The following C7 variants were observed in gnomAD, a reference collection of about 807,000 sequenced individuals.
C7 encodes the protein complement component C7.
C7 carries 83 observed loss-of-function variants against 104.8 expected under a neutral mutation model. The observed-to-expected ratio is 0.79, with a 90% confidence interval of 0.66 to 0.95. C7 has a LOEUF of 0.95. C7 is among the 40% of genes least tolerant of loss of function. The pLI is 0.00. For missense variants in C7, 1,070 were observed against 1,011.2 expected, an observed-to-expected ratio of 1.06 and a Z score of -0.79; for synonymous variants, 415 against 360.6, an observed-to-expected ratio of 1.15 and a Z score of -1.71.
intron 16 of C7, among the ~76,000 whole-genome samples, chr5:40,977,663 C>T (rs536772293): frequency 1.4e-4 from 22 of 152,276 alleles, no homozygotes; most frequent in African/African-American, 5.3e-4. Context: ...TGCCTCGAGT[C>T]TCCTGCTAGT....
chr5:40,981,460 G>A lies in C7; in HGVS notation c.2419G>A (p.Glu807Lys). 6.2e-7 allele frequency: 1 copy of A among 1,613,768 alleles called. No homozygotes were observed. The highest frequency in any genetic ancestry group is 8.5e-7 in the Non-Finnish European group (1 of 1,179,790). Residue 807 changes from glutamate to lysine, a missense_variant, in exon 18 of 18, where the codon GAA (glutamate) becomes AAA (lysine). By Grantham distance (56) the Glu-to-Lys change is moderately conservative. Transcript: ENST00000313164. ...GGAAGAAGGGTTTAGCATTTGTGTG[G>A]AAGTGAACGGCAAGGAGCAGACGAT... ...CEEEGFSICV[E>K]VNGKEQTMSE... is the part of the protein sequence containing the mutation.
In C7 at chr5:40,931,069, C is replaced by T. The variant is rs1330433248; in HGVS notation, c.68C>T (p.Ser23Phe). Reference sequence around the variant, plus strand: ...ACAATTTGACACTGTGGCAGTGCCTCCTCTCCAGTCAACTGCCAGTGGGAC... The same window carrying T: ...ACAATTTGACACTGTGGCAGTGCCTTCTCTCCAGTCAACTGCCAGTGGGAC... ...IGEFQSFSSASSPVNCQWDFY... is the reference protein window; with the variant it reads ...IGEFQSFSSAFSPVNCQWDFY... The change falls in exon 3 of 18, where the codon TCC (serine) becomes TTC (phenylalanine). Residue 23 changes from serine to phenylalanine, a missense_variant. Transcript: ENST00000313164. The T allele has an allele frequency of 3.1e-6, 5 of 1,610,094 alleles. No individual in the cohort carries two copies. The highest frequency in any genetic ancestry group is 1.3e-5 in the African/African-American group (1 of 74,852).
intron 1 of C7, among the ~76,000 whole-genome samples, chr5:40,914,609 A>C (rs1318275717): frequency 6.6e-6 from 1 of 152,098 alleles, no homozygotes; most frequent in African/African-American, 2.4e-5. Context: ...CTTACATTTA[A>C]GTTTTCAATC....
chr5:40,949,859 G>T (rs372210178), intron 8 of C7, 45 bp from the exon 9 acceptor site: 1 of 1,189,408 alleles, frequency 8.4e-7, no homozygotes, highest in Non-Finnish European at 1.2e-6. Context: ...AGATCTTCAA[G>T]GAATGCAGAA....
intron 14 of C7, among the ~76,000 whole-genome samples, chr5:40,966,976 A>G (rs1740568654): frequency 6.6e-6 from 1 of 152,196 alleles, no homozygotes; most frequent in African/African-American, 2.4e-5. Flanking sequence ...TTCTTTGAAA[A>G]GATTAATAAG....
intron 1 of C7, among the ~76,000 whole-genome samples, chr5:40,914,536 C>T (rs1158922499): frequency 6.6e-6 from 1 of 152,104 alleles, no homozygotes; most frequent in East Asian, 1.9e-4. Flanking sequence ...GAATTCTTGG[C>T]TTAGACCAAT....
chr5:40,955,371 G>T lies in C7; in HGVS notation c.1094-16G>T, dbSNP rs373431472. On this transcript the variant is annotated splice_polypyrimidine_tract_variant and intron_variant, in intron 9 of 17. Coordinates refer to ENST00000313164, the MANE Select transcript of C7 (RefSeq NM_000587.4). ...TTGATAGACTTTTCACTTTTCATTT[G>T]CTTTCTTCTGTATAGGAACCCAGAA... is the stretch of plus-strand genomic sequence containing the variant. 7.0e-5 allele frequency: 110 copies of T among 1,562,040 alleles called. 1 individual carries two copies. In the African/African-American group the frequency reaches 1.5e-3, roughly 21 times the overall value.
intron 4 of C7, among the ~76,000 whole-genome samples, chr5:40,935,811 C>G (rs1222745844): frequency 6.6e-6 from 1 of 152,110 alleles, no homozygotes; most frequent in African/African-American, 2.4e-5. Flanking sequence ...TGTAGTATTT[C>G]CTATTAGATT....
rs778313738 is a variant in C7, at chr5:40,959,447, A to T, written c.1490-2A>T. 4.7e-5 allele frequency: 75 copies of T among 1,608,960 alleles called. No individual in the cohort carries two copies. In the South Asian group the frequency reaches 7.9e-4, roughly 17 times the overall value. On this transcript the variant is annotated splice_acceptor_variant, in intron 11 of 17. Transcript: ENST00000313164. LOFTEE classifies it high-confidence loss of function. Reference sequence around the variant, plus strand: ...TTGATCAACCTCTTTCTCATCTTGTAGGAGGGGTTGATGGAGGTTGGAGTT... The same window carrying T: ...TTGATCAACCTCTTTCTCATCTTGTTGGAGGGGTTGATGGAGGTTGGAGTT...
At chr5:40,947,943 C>G in intron 8 of C7, 98 bp downstream of exon 8, 2 of 1,235,178 alleles carry the variant, frequency 1.6e-6, no homozygotes, top group Non-Finnish European at 2.3e-6. Flanking sequence ...TAAAATTTGA[C>G]AAACAGAAAT....
In C7 at chr5:40,934,386, C is replaced by A; in HGVS notation, c.200C>A (p.Ala67Asp). ...QYGGQPCVGN[A>D]FETQSCEPTR... ...GGAGGCCAGCCTTGTGTTGGAAATG[C>A]TTTTGAAACACAGTCCTGTGAACCT... The change falls in exon 4 of 18, where the codon GCT (alanine) becomes GAT (aspartate). Residue 67 changes from alanine (A) to aspartate (D), a missense_variant. Coordinates refer to ENST00000313164, the MANE Select transcript of C7 (RefSeq NM_000587.4). 1 of 1,613,664 alleles carries A rather than the reference C, an allele frequency of 6.2e-7. No homozygotes were observed. Among genetic ancestry groups the A allele is most frequent in the Non-Finnish European group, 8.5e-7 (1 of 1,179,678 alleles).
At chr5:40,921,605 C>CA (rs11353988) in intron 1 of C7, among the ~76,000 whole-genome samples, 25 of 147,822 alleles carry the variant, frequency 1.7e-4, no homozygotes, top group East Asian at 2.0e-4. Flanking sequence ...GTAGTTTATA[C>CA]AAAAAAAAAA....
At chr5:40,970,427 G>A (rs2111703566) in intron 14 of C7, among the ~76,000 whole-genome samples, 1 of 152,092 alleles carries the variant, frequency 6.6e-6, no homozygotes, top group South Asian at 2.1e-4. Flanking sequence ...GCTAATGAAT[G>A]TAATTGAGTA....
chr5:40,943,457 C>T (rs1269910008), intron 6 of C7, among the ~76,000 whole-genome samples: 1 of 151,880 alleles, frequency 6.6e-6, no homozygotes, highest in Non-Finnish European at 1.5e-5. Flanking sequence ...ATGATTCCTG[C>T]AGCTATGTGT....
intron 3 of C7, among the ~76,000 whole-genome samples, chr5:40,934,100 C>G (rs1462621506): frequency 6.6e-6 from 1 of 151,314 alleles, no homozygotes; most frequent in Non-Finnish European, 1.5e-5. Context: ...CCTGGGAGCT[C>G]TCTATAAATA....
chr5:40,910,355 ATGT>A (rs2111599145), intron 1 of C7, among the ~76,000 whole-genome samples: 1 of 152,300 alleles, frequency 6.6e-6, no homozygotes, highest in South Asian at 2.1e-4. Context: ...AACTTTAAAA[ATGT>A]TGCATTGTAA....
At position 40,965,952 on chromosome 5, in the gene C7, A is replaced by AT. The variant is rs569382409; in HGVS notation, c.1882+1085dup. 2.0e-4 allele frequency among the ~76,000 whole-genome samples: 30 copies of AT among 151,346 alleles called. No individual in the cohort carries two copies. The East Asian group carries it at 5.6e-3, about 28-fold the overall frequency. ...GCTACTGTGCCCAGCCTATTTTTAT[A>AT]TTTTTTCTAATGACTAATAATGTTA... On this transcript the variant is annotated intron_variant, in intron 14 of 17. Coordinates refer to ENST00000313164, the MANE Select transcript of C7 (RefSeq NM_000587.4).
At chr5:40,917,665 T>C (rs1314381586) in intron 1 of C7, among the ~76,000 whole-genome samples, 3 of 152,236 alleles carry the variant, frequency 2.0e-5, no homozygotes, top group Non-Finnish European at 4.4e-5. Flanking sequence ...CTGAATCATA[T>C]GCTTGTTCTA....
Position 40,976,185 on chromosome 5 carries a change from A to T in C7, c.2075-565A>T, listed in dbSNP as rs545944400. 3.5e-4 allele frequency among the ~76,000 whole-genome samples: 54 copies of T among 152,334 alleles called. 1 individual carries two copies. Among genetic ancestry groups the T allele is most frequent in the Non-Finnish European group, 5.3e-4 (36 of 68,036 alleles). On this transcript the variant is annotated intron_variant, in intron 15 of 17. Coordinates refer to ENST00000313164, the MANE Select transcript of C7 (RefSeq NM_000587.4). ...GACCACTTAGACATTCATATGTAAGAGGTTATTGTAGATCTTCTCGGCACA... is the reference window on the plus strand; with the variant it reads ...GACCACTTAGACATTCATATGTAAGTGGTTATTGTAGATCTTCTCGGCACA...
Sources: gnomAD v4.1 joint callset for allele counts (sites outside exome capture counted in the v4.1 genomes callset) on GRCh38, gnomAD v4.1.1 for gene constraint, MANE v1.5 for transcripts, NCBI Gene and HGNC (gene_info 2026-07-23, HGNC 2026-07-21) for gene names.